GRB2: variants seen among roughly 807,000 people sequenced by gnomAD.
GRB2 encodes growth factor receptor-bound protein 2.
In GRB2, 2 loss-of-function variants were observed where a neutral mutation model predicts 27.4. The observed-to-expected ratio is 0.07, with a 90% CI of 0.03 to 0.23. GRB2 has a LOEUF of 0.23. Among genes scored for constraint, GRB2 ranks in the 10% least tolerant of loss-of-function variants. The probability of loss-of-function intolerance (pLI) is 1.00; values close to 1 mark genes in which losing one functional copy is unlikely to be tolerated. For synonymous variants in GRB2, 94 were observed against 99.6 expected (o/e 0.94, Z 0.33); for missense variants, 102 against 282.4 (o/e 0.36, Z 4.58).
intron 4 of GRB2, among the ~76,000 whole-genome samples, chr17:75,325,024 T>C (rs1401918289): frequency 6.6e-6 from 1 of 152,086 alleles, no homozygotes; most frequent in African/African-American, 2.4e-5. Context: ...TGCAGTGAGC[T>C]GAGGCATGCC....
intron 2 of GRB2, among the ~76,000 whole-genome samples, chr17:75,350,442 C>T (rs913523128): frequency 1.3e-5 from 2 of 152,006 alleles, no homozygotes; most frequent in East Asian, 1.9e-4. Context: ...TTGGGGAGAC[C>T]GAATCTAATC....
intron 2 of GRB2, among the ~76,000 whole-genome samples, chr17:75,334,460 C>T (rs959695567): frequency 6.6e-6 from 1 of 152,086 alleles, no homozygotes; most frequent in African/African-American, 2.4e-5. Context: ...CACGAGCCAC[C>T]GTGCCCAGCC....
At chr17:75,388,319 T>C (rs563500317) in intron 2 of GRB2, among the ~76,000 whole-genome samples, 1 of 152,120 alleles carries the variant, frequency 6.6e-6, no homozygotes, top group East Asian at 1.9e-4. Flanking sequence ...GCCAGGCTGG[T>C]CTCGAACTCC....
At chr17:75,337,091 T>C (rs754422537) in intron 2 of GRB2, among the ~76,000 whole-genome samples, 6 of 152,182 alleles carry the variant, frequency 3.9e-5, no homozygotes, top group Non-Finnish European at 7.3e-5. Flanking sequence ...TCTGGAAAAT[T>C]CTAGTATCCA....
chr17:75,364,873 T>G (rs1448217171), intron 2 of GRB2, among the ~76,000 whole-genome samples: 1 of 151,892 alleles, frequency 6.6e-6, no homozygotes, highest in East Asian at 1.9e-4. Context: ...AGGCAGTGTT[T>G]TGAGGTCCAT....
intron 4 of GRB2, among the ~76,000 whole-genome samples, chr17:75,322,372 C>CAAA (rs544297344): frequency 6.9e-4 from 58 of 84,610 alleles, no homozygotes; most frequent in African/African-American, 2.3e-3. Flanking sequence ...AACTCTGTCT[C>CAAA]AAAAAAAAAA....
intron 3 of GRB2, among the ~76,000 whole-genome samples, chr17:75,328,649 A>G (rs1319774168): frequency 6.6e-6 from 1 of 151,394 alleles, no homozygotes; most frequent in Non-Finnish European, 1.5e-5. Flanking sequence ...TCTCAAAAAA[A>G]TTAAATAGGC....
At chr17:75,369,323 T>G (rs1227297645) in intron 2 of GRB2, among the ~76,000 whole-genome samples, 1 of 152,208 alleles carries the variant, frequency 6.6e-6, no homozygotes, top group Non-Finnish European at 1.5e-5. Context: ...TTAAATGATT[T>G]TAAGCTGGAA....
intron 2 of GRB2, among the ~76,000 whole-genome samples, chr17:75,341,992 C>T (rs1833777518): frequency 6.6e-6 from 1 of 152,156 alleles, no homozygotes; most frequent in South Asian, 2.1e-4. Context: ...ATGAGCCCTG[C>T]CGTGCAGTCA....
At chr17:75,384,044 G>T (rs2078946854) in intron 2 of GRB2, among the ~76,000 whole-genome samples, 1 of 152,118 alleles carries the variant, frequency 6.6e-6, no homozygotes, top group African/African-American at 2.4e-5. Flanking sequence ...AAGCAGGCAG[G>T]TCTCGCCTAG....
intron 3 of GRB2, chr17:75,326,221 T>C (rs1239178990): frequency 1.7e-6 from 1 of 588,950 alleles, no homozygotes; most frequent in Non-Finnish European, 3.0e-6. Context: ...CTACTCCATT[T>C]CCCAGAAAGC....
At chr17:75,401,041 C>G (rs941295046) in intron 1 of GRB2, among the ~76,000 whole-genome samples, 3 of 151,118 alleles carry the variant, frequency 2.0e-5, no homozygotes, top group Non-Finnish European at 2.9e-5. Context: ...CTGCTCAAAG[C>G]AACCTCCACC....
chr17:75,370,426 C>T (rs1018835784), intron 2 of GRB2, among the ~76,000 whole-genome samples: 20 of 152,192 alleles, frequency 1.3e-4, no homozygotes, highest in African/African-American at 4.8e-4. Flanking sequence ...ATATCTTGTT[C>T]GGTTTGGATA....
chr17:75,339,209 T>TTTTTG, intron 2 of GRB2: 1 of 904,398 alleles, frequency 1.1e-6, no homozygotes, highest in Non-Finnish European at 1.8e-6. Context: ...TTTTTTTTTT[T>TTTTTG]TTGAGACAGA....
chr17:75,354,599 C>G (rs771440381), intron 2 of GRB2, among the ~76,000 whole-genome samples: 9 of 152,080 alleles, frequency 5.9e-5, no homozygotes, highest in Non-Finnish European at 1.0e-4. Context: ...CATCTCGACC[C>G]CCCACTTCCA....
At chr17:75,398,961 T>C (rs970963651) in intron 1 of GRB2, among the ~76,000 whole-genome samples, 6 of 152,058 alleles carry the variant, frequency 3.9e-5, no homozygotes, top group Non-Finnish European at 8.8e-5. Context: ...TTGCCCAGGA[T>C]GGTCTTGAAC....
At chr17:75,381,115 ATAAT>A (rs927735469) in intron 2 of GRB2, among the ~76,000 whole-genome samples, 5 of 152,250 alleles carry the variant, frequency 3.3e-5, no homozygotes, top group African/African-American at 7.2e-5. Context: ...CAATAGGGAA[ATAAT>A]TAAGTCAATT....
chr17:75,386,812 C>T (rs191255232), intron 2 of GRB2, among the ~76,000 whole-genome samples: 233 of 152,318 alleles, frequency 1.5e-3, no homozygotes, highest in Non-Finnish European at 2.6e-3. Context: ...CTGTCACTTG[C>T]TAGATGTGTG....
intron 2 of GRB2, among the ~76,000 whole-genome samples, chr17:75,353,416 T>C (rs4789173): frequency 0.65 from 98,394 of 151,688 alleles, 38,289 homozygotes; most frequent in East Asian, 0.91. Context: ...TCAACTGTAC[T>C]TCCTTTACTG....
Sources: gnomAD v4.1 joint callset for allele counts (sites outside exome capture counted in the v4.1 genomes callset) on GRCh38, gnomAD v4.1.1 for gene constraint, MANE v1.5 for transcripts, NCBI Gene and HGNC (gene_info 2026-07-23, HGNC 2026-07-21) for gene names.